Variants in STYK1 observed in about 807,000 individuals in gnomAD.
The protein encoded by STYK1 is STY kinase 1.
In STYK1, 46 loss-of-function variants were observed where a neutral mutation model predicts 48.1. That is an observed-to-expected ratio of 0.96 (90% CI 0.75 to 1.22). The LOEUF is 1.22. Ranked by LOEUF, STYK1 falls within the 50% of genes most tolerant of loss-of-function variation. The pLI, the probability that STYK1 is intolerant of heterozygous loss-of-function variation, is 0.00. For synonymous variants in STYK1, 188 were observed against 189.0 expected (o/e 0.99, Z 0.04); for missense variants, 527 against 521.1 (o/e 1.01, Z -0.11).
intron 1 of STYK1, among the ~76,000 whole-genome samples, chr12:10,669,819 AC>A (rs1947873425): frequency 6.6e-6 from 1 of 152,228 alleles, no homozygotes; most frequent in African/African-American, 2.4e-5. Flanking sequence ...TGAACAAAGG[AC>A]CTGAATAGAC....
rs1947466708 is a variant in STYK1, at chr12:10,634,659, A to C, written c.-41T>G. The stretch of plus-strand genomic sequence containing the variant: ...CCCTTCCCTGCTAGGCCCACAGAGA[A>C]TGCACACAGCACAGCTGTGAGTAAT... On this transcript the variant is annotated 5_prime_UTR_variant, in exon 3 of 11. Transcript: ENST00000075503. 1 of 1,612,646 alleles carries C rather than the reference A, an allele frequency of 6.2e-7. No individual in the cohort carries two copies. The highest frequency in any genetic ancestry group is 8.5e-7 in the Non-Finnish European group (1 of 1,178,864).
At chr12:10,662,648 C>T (rs4763575) in intron 1 of STYK1, among the ~76,000 whole-genome samples, 82,586 of 151,676 alleles carry the variant, frequency 0.54, 23,129 homozygotes, top group East Asian at 0.77. Context: ...TCATTGGCCA[C>T]TTGTATATCT....
intron 2 of STYK1, among the ~76,000 whole-genome samples, chr12:10,635,583 A>G (rs994715386): frequency 2.0e-5 from 3 of 152,262 alleles, no homozygotes; most frequent in Admixed American, 6.5e-5. Flanking sequence ...AAATAAAAAG[A>G]AAATACATTC....
intron 1 of STYK1, among the ~76,000 whole-genome samples, chr12:10,659,838 T>G (rs553138552): frequency 2.0e-5 from 3 of 152,286 alleles, no homozygotes; most frequent in Middle Eastern, 3.4e-3. Context: ...CTATTATGAT[T>G]TGTCTTTAGT....
Position 10,658,158 on chromosome 12 carries a change from GGT to G in STYK1, c.-195+15806_-195+15807del, listed in dbSNP as rs765846739. 5.9e-4 allele frequency among the ~76,000 whole-genome samples: 90 copies of G among 152,202 alleles called. 1 individual carries two copies. Among genetic ancestry groups the G allele is most frequent in the Non-Finnish European group, 9.6e-4 (65 of 67,986 alleles). On this transcript the variant is annotated intron_variant, in intron 1 of 10. Transcript: ENST00000075503. ...GAACATTGGAATAAAAGCACAACAG[GGT>G]GTTCTTAGAGCAGTGATCTGCTCCT...
At chr12:10,622,035 A>G (rs1865916485) in intron 9 of STYK1, 63 bp from the exon 10 acceptor site, 3 of 1,445,808 alleles carry the variant, frequency 2.1e-6, no homozygotes, top group Admixed American at 3.5e-5. Flanking sequence ...AACTAACACT[A>G]TTCTTCATCC....
chr12:10,658,527 G>A (rs550491996), intron 1 of STYK1, among the ~76,000 whole-genome samples: 1 of 152,142 alleles, frequency 6.6e-6, no homozygotes, highest in Non-Finnish European at 1.5e-5. Flanking sequence ...ACGGTGACCT[G>A]AGATTCTATG....
intron 1 of STYK1, among the ~76,000 whole-genome samples, chr12:10,641,012 A>T (rs1947537346): frequency 6.6e-6 from 1 of 152,180 alleles, no homozygotes; most frequent in African/African-American, 2.4e-5. Flanking sequence ...CCAATTCCAT[A>T]ATCCTTCATC....
chr12:10,639,894 A>G (rs148467557), intron 1 of STYK1, among the ~76,000 whole-genome samples: 444 of 152,350 alleles, frequency 2.9e-3, no homozygotes, highest in Non-Finnish European at 4.9e-3. Flanking sequence ...GGAAACCACA[A>G]GGCTGAAACC....
chr12:10,629,977 T>G (rs1055489399), intron 5 of STYK1, among the ~76,000 whole-genome samples: 5 of 151,794 alleles, frequency 3.3e-5, no homozygotes, highest in African/African-American at 1.2e-4. Flanking sequence ...TTAATATCCT[T>G]GCTTGTCTTA....
Position 10,633,875 on chromosome 12 carries a change from C to G in STYK1, c.187+115G>C, listed in dbSNP as rs570720418. On this transcript the variant is annotated intron_variant, in intron 4 of 10. Transcript: ENST00000075503. ...ACTCCATGGGAGGGAACCCATGCCT[C>G]TCTCATTGCAGGTACCTAGACTTCT... 4.6e-6 allele frequency: 6 copies of G among 1,302,266 alleles called. No homozygotes were observed. The South Asian group carries it at 6.1e-5, about 13-fold the overall frequency. The allele number at this position is 1,302,266 out of a possible 1,614,324, so 80.7% of individuals were successfully genotyped here.
chr12:10,621,847 A>C (rs1232789890), intron 10 of STYK1, 29 bp downstream of exon 10: 1 of 1,595,884 alleles, frequency 6.3e-7, no homozygotes. Flanking sequence ...TTGGAATGAA[A>C]GAGGAGCAGG....
At chr12:10,630,919 C>A in intron 5 of STYK1, 126 bp downstream of exon 5, 14 of 1,214,762 alleles carry the variant, frequency 1.2e-5, no homozygotes, top group South Asian at 5.8e-5. Context: ...CTCAAGTTTC[C>A]ACTCTATTAC....
chr12:10,669,248 A>C (rs540277115), intron 1 of STYK1, among the ~76,000 whole-genome samples: 1 of 152,340 alleles, frequency 6.6e-6, no homozygotes, highest in African/African-American at 2.4e-5. Context: ...TATAATACTA[A>C]AAGTACAAGG....
intron 10 of STYK1, 79 bp from the exon 11 acceptor site, chr12:10,620,427 T>C (rs1352108917): frequency 3.0e-6 from 4 of 1,341,856 alleles, no homozygotes; most frequent in Non-Finnish European, 1.0e-6. Context: ...TCACAAACTT[T>C]AACAAACAAC....
In STYK1 at chr12:10,622,645, C is replaced by T. The variant is rs1223777032; in HGVS notation, c.960G>A (p.Val320=). ...TTTGGGGCTCATCCTTACCTAGAGT[C>T]ACCATCTCATAGAGCAGGATCCCAA... ...WSFGILLYEM[V]TLGAPPYPEV... Residue 320 remains valine (V), a synonymous_variant, in exon 9 of 11, where the codon GTG becomes GTA. Transcript: ENST00000075503. 1 of 1,613,988 alleles carries T rather than the reference C, an allele frequency of 6.2e-7. No individual in the cohort carries two copies. The highest frequency in any genetic ancestry group is 1.1e-5 in the South Asian group (1 of 91,074).
At chr12:10,650,148 A>AAAAAAAAC (rs1947646584) in intron 1 of STYK1, among the ~76,000 whole-genome samples, 1 of 140,280 alleles carries the variant, frequency 7.1e-6, no homozygotes, top group Non-Finnish European at 1.5e-5. Flanking sequence ...AAAAAAAAAA[A>AAAAAAAAC]TCTTGAGTTT....
rs952315587 is a variant in STYK1, at chr12:10,619,427, C to G, written c.*717G>C. ...CTAGGCTTAGTCTCCTTAGTCTAAT[C>G]GGAACTAGGAAGCTAGCTTAATGAA... On this transcript the variant is annotated 3_prime_UTR_variant, in exon 11 of 11. Coordinates refer to ENST00000075503, the MANE Select transcript of STYK1 (RefSeq NM_018423.3). 6.6e-6 allele frequency: 1 copy of G among 152,046 alleles called. No homozygotes were observed. The highest frequency in any genetic ancestry group is 1.5e-5 in the Non-Finnish European group (1 of 68,032). The allele number at this position is 152,046 out of a possible 1,614,324, so 9.4% of individuals were successfully genotyped here.
intron 7 of STYK1, among the ~76,000 whole-genome samples, chr12:10,625,098 T>C (rs770319376): frequency 4.6e-5 from 7 of 152,184 alleles, no homozygotes; most frequent in Non-Finnish European, 1.0e-4. Flanking sequence ...ATTTTGAAAA[T>C]ATAATCACCT....
Sources: allele counts gnomAD v4.1 joint callset (sites outside exome capture counted in the v4.1 genomes callset), GRCh38; gene constraint gnomAD v4.1.1; transcripts MANE v1.5; gene names NCBI Gene and HGNC (gene_info 2026-07-23, HGNC 2026-07-21).